Variants in EIF2S2 observed in about 807,000 individuals in gnomAD.
EIF2S2 encodes eukaryotic translation initiation factor 2 subunit 2.
In EIF2S2, 4 loss-of-function variants were observed where a neutral mutation model predicts 44.0. The ratio of observed to expected loss-of-function variants is 0.09; its 90% CI spans 0.04 to 0.21. The LOEUF (loss-of-function observed/expected upper bound fraction) is 0.21. Among genes scored for constraint, EIF2S2 ranks in the 10% least tolerant of loss-of-function variants. The probability of loss-of-function intolerance (pLI) is 1.00; values close to 1 mark genes in which losing one functional copy is unlikely to be tolerated. For synonymous variants in EIF2S2, 108 were observed against 128.3 expected (o/e 0.84, Z 1.07); for missense variants, 154 against 392.0 (o/e 0.39, Z 5.13).
intron 6 of EIF2S2, 88 bp from the exon 7 acceptor site, chr20:34,093,819 G>T: frequency 8.3e-7 from 1 of 1,200,964 alleles, no homozygotes; most frequent in Non-Finnish European, 1.2e-6. Flanking sequence ...TTTGATCTGT[G>T]ATTATTTAGC....
At chr20:34,104,931 G>A (rs756645992) in intron 2 of EIF2S2, among the ~76,000 whole-genome samples, 2 of 152,200 alleles carry the variant, frequency 1.3e-5, no homozygotes, top group Admixed American at 6.5e-5. Context: ...GTCAAATTAT[G>A]TCTATGTTAC....
chr20:34,091,324 T>C (rs1568711162), intron 7 of EIF2S2, among the ~76,000 whole-genome samples: 1 of 152,210 alleles, frequency 6.6e-6, no homozygotes, highest in African/African-American at 2.4e-5. Context: ...GCACCAAATA[T>C]TTTGATTCAG....
intron 3 of EIF2S2, among the ~76,000 whole-genome samples, chr20:34,102,811 G>A (rs1220873023): frequency 2.0e-5 from 3 of 152,148 alleles, no homozygotes; most frequent in Admixed American, 6.5e-5. Context: ...ACTCTAGGGA[G>A]GAAAACAGAT....
intron 2 of EIF2S2, among the ~76,000 whole-genome samples, chr20:34,104,911 C>A (rs926791905): frequency 3.9e-5 from 6 of 152,210 alleles, no homozygotes; most frequent in Non-Finnish European, 8.8e-5. Flanking sequence ...AGAAACATTT[C>A]TCTCTAACAG....
intron 3 of EIF2S2, among the ~76,000 whole-genome samples, chr20:34,101,777 C>A (rs1025714822): frequency 4.0e-5 from 6 of 150,646 alleles, no homozygotes; most frequent in African/African-American, 1.5e-4. Flanking sequence ...TGGGTTCAAG[C>A]GATTCTCCTG....
chr20:34,097,514 G>A lies in EIF2S2; in HGVS notation c.436C>T (p.Leu146=), dbSNP rs915494150. 1 of 1,612,152 alleles carries A rather than the reference G, an allele frequency of 6.2e-7. No homozygotes were observed. The change falls in exon 5 of 9, where the codon CTA becomes TTA. Residue 146 remains leucine (L), a splice_region_variant and synonymous_variant. Coordinates refer to ENST00000374980, the MANE Select transcript of EIF2S2 (RefSeq NM_003908.5). ...EDEILEKDEA[L]EDEDNKKDDG... is the part of the protein sequence containing the mutation. Reference sequence around the variant, plus strand: ...TCTTTTTTGTTGTCTTCATCTTCTAGAGCTACAGATAAAAAAGATTTTAAG... The same window carrying A: ...TCTTTTTTGTTGTCTTCATCTTCTAAAGCTACAGATAAAAAAGATTTTAAG...
chr20:34,091,366 A>G (rs928728940), intron 7 of EIF2S2, among the ~76,000 whole-genome samples: 2 of 152,222 alleles, frequency 1.3e-5, no homozygotes, highest in Non-Finnish European at 1.5e-5. Context: ...ATAAAAATAT[A>G]CTAAAATTGA....
At chr20:34,090,354 C>G (rs2034149225) in intron 8 of EIF2S2, among the ~76,000 whole-genome samples, 163 bp downstream of exon 8, 1 of 152,236 alleles carries the variant, frequency 6.6e-6, no homozygotes, top group African/African-American at 2.4e-5. Flanking sequence ...ATCTATACCC[C>G]TAGTTAGTAG....
intron 7 of EIF2S2, among the ~76,000 whole-genome samples, chr20:34,090,951 A>C (rs773576874): frequency 6.6e-6 from 1 of 151,614 alleles, no homozygotes. Flanking sequence ...GGGTCTCCCT[A>C]TGTTGCCCAG....
chr20:34,098,689 A>C, intron 3 of EIF2S2, 56 bp from the exon 4 acceptor site: 1 of 1,554,528 alleles, frequency 6.4e-7, no homozygotes, highest in Non-Finnish European at 8.7e-7. Context: ...TTTTTTATTT[A>C]TTTTATTACA....
chr20:34,090,783 C>CT (rs1352837060), intron 7 of EIF2S2, among the ~76,000 whole-genome samples, 181 bp from the exon 8 acceptor site: 3 of 152,214 alleles, frequency 2.0e-5, no homozygotes, highest in African/African-American at 7.2e-5. Context: ...GTCTCACACT[C>CT]TGTCGCCCAG....
At position 34,093,736 on chromosome 20, in the gene EIF2S2, AAAG is replaced by A; in HGVS notation, c.684-8_684-6del. On this transcript the variant is annotated splice_region_variant and splice_polypyrimidine_tract_variant and intron_variant, in intron 6 of 8. Coordinates refer to ENST00000374980, the MANE Select transcript of EIF2S2 (RefSeq NM_003908.5). ...TGTTTGGGCTGACGATGTAATCTAA[AAAG>A]AAAATCAAAATATATAAACCTTATC... is the stretch of plus-strand genomic sequence containing the variant. The A allele has an allele frequency of 1.3e-6, 2 of 1,598,706 alleles. No homozygotes were observed. The highest frequency in any genetic ancestry group is 3.4e-4 in the Middle Eastern group (2 of 5,958).
At chr20:34,101,025 G>A (rs2034289071) in intron 3 of EIF2S2, among the ~76,000 whole-genome samples, 1 of 152,144 alleles carries the variant, frequency 6.6e-6, no homozygotes, top group African/African-American at 2.4e-5. Context: ...CCTGACCTGG[G>A]ACAATGGCTA....
At chr20:34,096,635 G>C in intron 6 of EIF2S2, 22 bp downstream of exon 6, 1 of 1,571,360 alleles carries the variant, frequency 6.4e-7, no homozygotes, top group Non-Finnish European at 8.6e-7. Flanking sequence ...TTGGGATGAA[G>C]GTACTCCATT....
chr20:34,111,380 G>A (rs765871460), intron 1 of EIF2S2, among the ~76,000 whole-genome samples: 8 of 152,102 alleles, frequency 5.3e-5, no homozygotes, highest in African/African-American at 9.7e-5. Flanking sequence ...TAAATCTGAG[G>A]GAAAGGGATT....
chr20:34,092,632 A>G (rs2034180164), intron 7 of EIF2S2, among the ~76,000 whole-genome samples: 1 of 152,134 alleles, frequency 6.6e-6, no homozygotes, highest in African/African-American at 2.4e-5. Flanking sequence ...GTGCCACTGC[A>G]CTCCAGCCTG....
intron 5 of EIF2S2, 64 bp from the exon 6 acceptor site, chr20:34,096,869 T>G (rs2034235096): frequency 1.3e-6 from 2 of 1,492,342 alleles, no homozygotes; most frequent in Non-Finnish European, 1.8e-6. Flanking sequence ...AGTTCCCCTT[T>G]GAGTCATGTT....
chr20:34,092,890 G>C (rs904815075), intron 7 of EIF2S2, among the ~76,000 whole-genome samples: 1 of 152,136 alleles, frequency 6.6e-6, no homozygotes, highest in African/African-American at 2.4e-5. Context: ...AGACCTGATT[G>C]TATCTATCTT....
rs11474896 is a variant in EIF2S2 at position 34,094,707 on chromosome 20, CAA to C, written c.684-978_684-977del. 2.8e-3 allele frequency among the ~76,000 whole-genome samples: 409 copies of C among 144,392 alleles called. 1 individual carries two copies. The highest frequency in any genetic ancestry group is 0.018 in the Middle Eastern group (5 of 278). The allele number at this position is 144,392 out of a possible 152,430, so 94.7% of individuals were successfully genotyped here. On this transcript the variant is annotated intron_variant, in intron 6 of 8. Coordinates refer to ENST00000374980, the MANE Select transcript of EIF2S2 (RefSeq NM_003908.5). ...CTACTTTTAGAAATATCTCAATATACAAAAAAAAAAAAATGTACATACACATA... is the reference window on the plus strand; with the variant it reads ...CTACTTTTAGAAATATCTCAATATACAAAAAAAAAAATGTACATACACATA...
Sources: gnomAD v4.1 joint callset for allele counts (sites outside exome capture counted in the v4.1 genomes callset) on GRCh38, gnomAD v4.1.1 for gene constraint, MANE v1.5 for transcripts, NCBI Gene and HGNC (gene_info 2026-07-23, HGNC 2026-07-21) for gene names.